Variants in RBMS1 observed in about 807,000 individuals in gnomAD.
The protein encoded by RBMS1 is RNA binding motif single stranded interacting protein 1.
RBMS1 carries 17 observed loss-of-function variants against 62.3 expected under a neutral mutation model. The observed-to-expected ratio is 0.27, with a 90% CI of 0.19 to 0.41. RBMS1 has a LOEUF of 0.41. Among genes scored for constraint, RBMS1 ranks in the 10% least tolerant of loss-of-function variants. The probability of loss-of-function intolerance (pLI) is 1.00; values close to 1 mark genes in which losing one functional copy is unlikely to be tolerated. For synonymous variants in RBMS1, 172 were observed against 170.0 expected, an observed-to-expected ratio of 1.01 and a Z score of -0.09; for missense variants, 334 against 504.5, an observed-to-expected ratio of 0.66 and a Z score of 3.24.
rs572069315 is a variant in RBMS1 at position 160,309,952 on chromosome 2, C to G, written c.402+3204G>C. ...TCAGCTGAAGATTCACTACATGATA[C>G]TCAAAATTTTTGTCAAATAAACAGT... On this transcript the variant is annotated intron_variant, in intron 4 of 13. Coordinates refer to ENST00000348849, the MANE Select transcript of RBMS1 (RefSeq NM_016836.4). Among the ~76,000 whole-genome samples, 6 of 152,314 alleles carry G rather than the reference C, an allele frequency of 3.9e-5. No homozygotes were observed. In the South Asian group the frequency reaches 1.2e-3, roughly 32 times the overall value.
intron 2 of RBMS1, among the ~76,000 whole-genome samples, chr2:160,353,301 G>A (rs1186856497): frequency 2.6e-5 from 4 of 152,070 alleles, no homozygotes; most frequent in African/African-American, 9.7e-5. Context: ...CATGTCAGGA[G>A]ATGCTGATTC....
At chr2:160,293,720 C>T (rs137860423) in intron 6 of RBMS1, among the ~76,000 whole-genome samples, 40 of 152,226 alleles carry the variant, frequency 2.6e-4, no homozygotes, top group African/African-American at 9.1e-4. Flanking sequence ...GGAGTCAGGG[C>T]GCCAGAGCTG....
intron 1 of RBMS1, among the ~76,000 whole-genome samples, chr2:160,371,647 C>A (rs1448244868): frequency 6.6e-6 from 1 of 152,158 alleles, no homozygotes; most frequent in Non-Finnish European, 1.5e-5. Context: ...TTGTATTAGA[C>A]CCTCAGCCTT....
chr2:160,457,127 A>G (rs1238805189), intron 1 of RBMS1, among the ~76,000 whole-genome samples: 1 of 150,142 alleles, frequency 6.7e-6, no homozygotes, highest in Non-Finnish European at 1.5e-5. Flanking sequence ...TATTTAATTA[A>G]TTTATTTATT....
intron 7 of RBMS1, among the ~76,000 whole-genome samples, chr2:160,286,102 C>G (rs1249920636): frequency 6.6e-6 from 1 of 151,554 alleles, no homozygotes. Context: ...CAGAGCAAGA[C>G]TCCATCTCAA....
chr2:160,326,142 C>T (rs1293251828), intron 2 of RBMS1, among the ~76,000 whole-genome samples: 1 of 152,128 alleles, frequency 6.6e-6, no homozygotes, highest in Non-Finnish European at 1.5e-5. Context: ...TCAGAAACAA[C>T]TGAAAACCAG....
intron 1 of RBMS1, among the ~76,000 whole-genome samples, chr2:160,387,325 A>G (rs139452426): frequency 5.9e-4 from 89 of 151,248 alleles, no homozygotes; most frequent in African/African-American, 2.2e-3. Flanking sequence ...TTTTTTTTGC[A>G]GTCTTCCCTT....
chr2:160,484,876 A>AAG, intron 1 of RBMS1, among the ~76,000 whole-genome samples: 1 of 91,850 alleles, frequency 1.1e-5, no homozygotes, highest in South Asian at 3.1e-4. Flanking sequence ...GTCTCAAAAA[A>AAG]AAAAAAAAAT....
chr2:160,372,721 G>C (rs903809127), intron 1 of RBMS1, among the ~76,000 whole-genome samples: 1 of 152,204 alleles, frequency 6.6e-6, no homozygotes, highest in African/African-American at 2.4e-5. Context: ...GAGTGACTGA[G>C]AGAGGGCTGG....
chr2:160,426,298 G>GAA (rs1559537529), intron 1 of RBMS1, among the ~76,000 whole-genome samples: 503 of 22,140 alleles, frequency 0.023, 2 homozygotes, highest in East Asian at 0.039. Flanking sequence ...AGAAAAGAAA[G>GAA]AAGGAAGGAA....
intron 2 of RBMS1, among the ~76,000 whole-genome samples, chr2:160,332,011 A>G (rs943897982): frequency 6.6e-6 from 1 of 152,158 alleles, no homozygotes; most frequent in African/African-American, 2.4e-5. Context: ...TTTGATAGTG[A>G]AATGGTCTTT....
chr2:160,484,680 G>A (rs1198723566), intron 1 of RBMS1, among the ~76,000 whole-genome samples: 5 of 151,244 alleles, frequency 3.3e-5, no homozygotes, highest in Non-Finnish European at 5.9e-5. Context: ...GACCATCCTG[G>A]CTAACATGGT....
intron 1 of RBMS1, among the ~76,000 whole-genome samples, chr2:160,408,356 A>G (rs1695881935): frequency 6.6e-6 from 1 of 151,836 alleles, no homozygotes; most frequent in Non-Finnish European, 1.5e-5. Context: ...CCCCTACTTC[A>G]ACGAACACAC....
At chr2:160,302,729 G>A (rs1214897197) in intron 5 of RBMS1, 3 of 147,614 alleles carry the variant, frequency 2.0e-5, no homozygotes, top group African/African-American at 2.5e-5. Flanking sequence ...GGTAGGTTTC[G>A]AACTCTGCCC....
intron 1 of RBMS1, among the ~76,000 whole-genome samples, chr2:160,442,500 C>G (rs1193126429): frequency 6.6e-6 from 1 of 152,176 alleles, no homozygotes. Flanking sequence ...CTGCTGCATT[C>G]AACATTCTAG....
intron 1 of RBMS1, among the ~76,000 whole-genome samples, chr2:160,442,338 A>G (rs1390214341): frequency 8.7e-6 from 1 of 115,272 alleles, no homozygotes; most frequent in Non-Finnish European, 2.0e-5. Context: ...AAATAGGTAT[A>G]AAATTTCATT....
At chr2:160,342,336 C>G (rs1157942939) in intron 2 of RBMS1, among the ~76,000 whole-genome samples, 1 of 152,104 alleles carries the variant, frequency 6.6e-6, no homozygotes, top group African/African-American at 2.4e-5. Flanking sequence ...TGCCAGTGGA[C>G]TATTTAGAGT....
intron 1 of RBMS1, among the ~76,000 whole-genome samples, chr2:160,449,185 A>G (rs1030594535): frequency 1.4e-5 from 2 of 146,160 alleles, no homozygotes; most frequent in Non-Finnish European, 3.0e-5. Context: ...GGGCAGCCGC[A>G]CCGTCCAGGA....
rs779765371 is a variant in RBMS1, at chr2:160,272,286, T to C, written c.*2486A>G. The stretch of plus-strand genomic sequence containing the variant: ...GTCCTAGGAAAGAAAACTACAGAGT[T>C]ATCTTGAACCGGACAAATAAGTTAC... On this transcript the variant is annotated 3_prime_UTR_variant, in exon 14 of 14. Coordinates refer to ENST00000348849, the MANE Select transcript of RBMS1 (RefSeq NM_016836.4). 1.3e-5 allele frequency: 2 copies of C among 152,160 alleles called. No homozygotes were observed. Among genetic ancestry groups the C allele is most frequent in the Non-Finnish European group, 2.9e-5 (2 of 68,032 alleles). The allele number at this position is 152,160 out of a possible 1,614,324, so 9.4% of individuals were successfully genotyped here.
Sources: gnomAD v4.1 joint callset for allele counts (sites outside exome capture counted in the v4.1 genomes callset) on GRCh38, gnomAD v4.1.1 for gene constraint, MANE v1.5 for transcripts, NCBI Gene and HGNC (gene_info 2026-07-23, HGNC 2026-07-21) for gene names.